Variants in PKN2 observed in about 807,000 individuals in gnomAD.
PKN2 encodes the protein serine/threonine-protein kinase N2.
A neutral mutation model predicts 119.1 loss-of-function variants in PKN2; 38 were observed. That is an observed-to-expected ratio of 0.32 (90% CI 0.25 to 0.42). The LOEUF is 0.42. Among genes scored for constraint, PKN2 ranks in the 10% least tolerant of loss-of-function variants. PKN2 has a pLI of 1.00. For missense variants in PKN2, 850 were observed against 1,165.1 expected (o/e 0.73, Z 3.94); for synonymous variants, 390 against 384.9 (o/e 1.01, Z -0.15).
intron 12 of PKN2, among the ~76,000 whole-genome samples, 194 bp from the exon 13 acceptor site, chr1:88,807,119 C>G (rs1671573633): frequency 6.6e-6 from 1 of 151,830 alleles, no homozygotes; most frequent in Non-Finnish European, 1.5e-5. Flanking sequence ...AATTCAAGAC[C>G]TCTCTAGGCA....
At chr1:88,696,013 T>G (rs1666528626) in intron 1 of PKN2, among the ~76,000 whole-genome samples, 1 of 152,220 alleles carries the variant, frequency 6.6e-6, no homozygotes, top group South Asian at 2.1e-4. Context: ...ATTCTGTTGC[T>G]TCTAGTCTTT....
At chr1:88,778,748 C>G (rs1214117318) in intron 6 of PKN2, among the ~76,000 whole-genome samples, 1 of 151,474 alleles carries the variant, frequency 6.6e-6, no homozygotes, top group African/African-American at 2.4e-5. Context: ...GAGTCTCGCT[C>G]TGTTGCCCAG....
At position 88,770,382 on chromosome 1, in the gene PKN2, CT is replaced by C; in HGVS notation, c.536del (p.Leu179ArgfsTer9). 1 of 1,612,836 alleles carries C rather than the reference CT, an allele frequency of 6.2e-7. No individual in the cohort carries two copies. Among genetic ancestry groups the C allele is most frequent in the Non-Finnish European group, 8.5e-7 (1 of 1,178,874 alleles). On this transcript the variant is annotated frameshift_variant, in exon 4 of 22. Coordinates refer to ENST00000370521, the MANE Select transcript of PKN2 (RefSeq NM_006256.4). LOFTEE classifies it high-confidence loss of function. ...DRKLHGTAQQ[L>X]LQDSKTKIEV... Reference sequence around the variant, plus strand: ...GAAACTCCATGGTACAGCTCAGCAACTGCTCCAGGACAGCAAGACAAAAATA... The same window carrying C: ...GAAACTCCATGGTACAGCTCAGCAACGCTCCAGGACAGCAAGACAAAAATA...
intron 1 of PKN2, among the ~76,000 whole-genome samples, chr1:88,722,787 TAAA>T (rs1293365955): frequency 9.2e-6 from 1 of 108,540 alleles, no homozygotes; most frequent in African/African-American, 3.5e-5. Context: ...TGTCTCAAAA[TAAA>T]AAAAAAAAAA....
At chr1:88,810,126 CTT>C (rs988757532) in intron 15 of PKN2, among the ~76,000 whole-genome samples, 1 of 145,674 alleles carries the variant, frequency 6.9e-6, no homozygotes, top group Non-Finnish European at 1.5e-5. Flanking sequence ...TTAAGACTAG[CTT>C]TTTTTTTTTG....
intron 1 of PKN2, among the ~76,000 whole-genome samples, chr1:88,720,882 A>G (rs305226): frequency 0.73 from 110,440 of 152,084 alleles, 41,459 homozygotes; most frequent in African/African-American, 0.93. Flanking sequence ...ATGATGTTTG[A>G]TTTTCCATTC....
chr1:88,708,062 A>G (rs1031847935), intron 1 of PKN2, among the ~76,000 whole-genome samples: 19 of 152,206 alleles, frequency 1.2e-4, no homozygotes, highest in African/African-American at 4.1e-4. Flanking sequence ...CAGTAGCATC[A>G]CTAACACTAA....
intron 2 of PKN2, 80 bp downstream of exon 2, chr1:88,741,368 G>T: frequency 1.1e-6 from 1 of 916,450 alleles, no homozygotes; most frequent in African/African-American, 1.7e-5. Flanking sequence ...TAAGTTTGGG[G>T]ACATGAATAG....
At chr1:88,807,039 T>C (rs1671570101) in intron 12 of PKN2, among the ~76,000 whole-genome samples, 1 of 152,058 alleles carries the variant, frequency 6.6e-6, no homozygotes, top group African/African-American at 2.4e-5. Flanking sequence ...ATTTTTTAGA[T>C]AAGTTTAATA....
At chr1:88,726,492 A>G (rs940952734) in intron 1 of PKN2, among the ~76,000 whole-genome samples, 3 of 152,164 alleles carry the variant, frequency 2.0e-5, no homozygotes, top group African/African-American at 7.2e-5. Context: ...ATTTTTGCAT[A>G]TTGAACCAGT....
At position 88,685,432 on chromosome 1, in the gene PKN2, T is replaced by C. The variant is rs1257246186; in HGVS notation, c.48+804T>C. Among the ~76,000 whole-genome samples, 5 of 152,148 alleles carry C rather than the reference T, an allele frequency of 3.3e-5. No individual in the cohort carries two copies. In the East Asian group the frequency reaches 5.8e-4, roughly 18 times the overall value. On this transcript the variant is annotated intron_variant, in intron 1 of 21. Coordinates refer to ENST00000370521, the MANE Select transcript of PKN2 (RefSeq NM_006256.4). ...GAAAGCAGTCGACTAAGGGAAAACA[T>C]TGGGCACCACATGTCTGCAAAAGAT...
At position 88,799,423 on chromosome 1, in the gene PKN2, G is replaced by A. The variant is rs114708364; in HGVS notation, c.1282-4968G>A. Among the ~76,000 whole-genome samples the A allele has an allele frequency of 2.0e-3, 301 of 152,224 alleles. 2 individuals are homozygous for A. Among genetic ancestry groups the A allele is most frequent in the African/African-American group, 6.4e-3 (267 of 41,542 alleles). On this transcript the variant is annotated intron_variant, in intron 8 of 21. Transcript: ENST00000370521. ...AACATATATTATTGTTTCTTGAGGT[G>A]GTGGTTTTCTGTTTTTCCCCAGTGG...
chr1:88,723,332 C>G (rs1667769722), intron 1 of PKN2, among the ~76,000 whole-genome samples: 1 of 151,876 alleles, frequency 6.6e-6, no homozygotes, highest in Non-Finnish European at 1.5e-5. Context: ...AGGCCGGTCT[C>G]AAACTCCTGA....
Position 88,684,625 on chromosome 1 carries a change from G to C in PKN2, c.45G>C (p.Leu15=), listed in dbSNP as rs1303629809. ...PERGEILLTE[L]QGDSRSLPFS... is the part of the protein sequence containing the mutation. ...GGGGGGAGATTCTGCTCACGGAACT[G>C]CAGGTAAGGGCCGCGGCCCTGGTGA... Residue 15 remains leucine (L), a synonymous_variant, in exon 1 of 22, where the codon CTG becomes CTC. Coordinates refer to ENST00000370521, the MANE Select transcript of PKN2 (RefSeq NM_006256.4). 3 of 1,559,300 alleles carry C rather than the reference G, an allele frequency of 1.9e-6. No individual in the cohort carries two copies. In the African/African-American group the frequency reaches 4.2e-5, roughly 22 times the overall value.
At chr1:88,759,146 C>T (rs1557592162) in intron 2 of PKN2, among the ~76,000 whole-genome samples, 1 of 152,196 alleles carries the variant, frequency 6.6e-6, no homozygotes, top group East Asian at 1.9e-4. Context: ...GGGCAGATCA[C>T]GAGGTCAGGA....
intron 8 of PKN2, among the ~76,000 whole-genome samples, chr1:88,789,824 T>C (rs1670741626): frequency 6.6e-6 from 1 of 152,060 alleles, no homozygotes; most frequent in African/African-American, 2.4e-5. Context: ...ACTCCTATTC[T>C]CATTCTCCCA....
At chr1:88,758,697 C>G (rs924949617) in intron 2 of PKN2, among the ~76,000 whole-genome samples, 4 of 152,170 alleles carry the variant, frequency 2.6e-5, no homozygotes, top group African/African-American at 9.7e-5. Context: ...CATGTTCCTG[C>G]AGAGGACATG....
intron 2 of PKN2, among the ~76,000 whole-genome samples, chr1:88,742,208 T>C (rs1668604300): frequency 6.6e-6 from 1 of 152,128 alleles, no homozygotes; most frequent in Admixed American, 6.5e-5. Context: ...TATAGCATGG[T>C]AGAAAATTTA....
At chr1:88,692,879 T>C (rs1666386148) in intron 1 of PKN2, among the ~76,000 whole-genome samples, 1 of 152,216 alleles carries the variant, frequency 6.6e-6, no homozygotes, top group African/African-American at 2.4e-5. Flanking sequence ...TTTACATCGT[T>C]ATCATCAACA....
Sources: allele counts gnomAD v4.1 joint callset (sites outside exome capture counted in the v4.1 genomes callset), GRCh38; gene constraint gnomAD v4.1.1; transcripts MANE v1.5; gene names NCBI Gene and HGNC (gene_info 2026-07-23, HGNC 2026-07-21).